PRKN: variants seen among roughly 807,000 people sequenced by gnomAD.
PRKN encodes the protein parkin RBR E3 ubiquitin protein ligase.
Under a neutral mutation model 59.5 loss-of-function variants are expected in PRKN, and 56 were observed. That is an observed-to-expected ratio of 0.94 (90% CI 0.76 to 1.18). PRKN has a LOEUF of 1.18. Ranked by LOEUF, PRKN falls within the 50% of genes most tolerant of loss-of-function variation. PRKN has a pLI of 0.00. For synonymous variants in PRKN, 250 were observed against 222.1 expected, an observed-to-expected ratio of 1.13 and a Z score of -1.12; for missense variants, 657 against 596.4, an observed-to-expected ratio of 1.10 and a Z score of -1.06.
At chr6:161,710,861 C>A (rs1234577493) in intron 7 of PRKN, among the ~76,000 whole-genome samples, 1 of 54,202 alleles carries the variant, frequency 1.8e-5, no homozygotes, top group Non-Finnish European at 4.3e-5. Context: ...CCCTTCCCTT[C>A]CCTTTCCTTC....
intron 4 of PRKN, among the ~76,000 whole-genome samples, chr6:162,116,007 C>T (rs1313542255): frequency 6.6e-6 from 1 of 152,136 alleles, no homozygotes; most frequent in Non-Finnish European, 1.5e-5. Context: ...GGGCCACTGC[C>T]CACTCTTCAT....
In PRKN at chr6:161,973,370, T is replaced by A; in HGVS notation, c.666A>T (p.Thr222=). The change falls in exon 6 of 12, where the codon ACA becomes ACT. Residue 222 remains threonine, a synonymous_variant. Coordinates refer to ENST00000366898, the MANE Select transcript of PRKN (RefSeq NM_004562.3). ...CGAHPTSDKE[T]SVALHLIATN... ...TTGCGATCAGGTGCAAAGCTACTGA[T>A]GTTTCCTTGTCAGAGGTGGGGTGTG... The A allele has an allele frequency of 6.2e-7, 1 of 1,614,064 alleles. No homozygotes were observed.
intron 7 of PRKN, among the ~76,000 whole-genome samples, chr6:161,648,502 G>A (rs1784039485): frequency 6.6e-6 from 1 of 152,176 alleles, no homozygotes; most frequent in Non-Finnish European, 1.5e-5. Flanking sequence ...ACTGTCCATG[G>A]AGCCAGCCCT....
At chr6:162,514,262 T>C (rs1777751795) in intron 1 of PRKN, among the ~76,000 whole-genome samples, 2 of 145,838 alleles carry the variant, frequency 1.4e-5, no homozygotes, top group African/African-American at 4.9e-5. Flanking sequence ...TTCCATCTTG[T>C]TGAAATTGAC....
At chr6:162,655,114 T>C (rs988797640) in intron 1 of PRKN, among the ~76,000 whole-genome samples, 9 of 152,096 alleles carry the variant, frequency 5.9e-5, no homozygotes, top group African/African-American at 2.2e-4. Context: ...CCACAAAAAA[T>C]AAAAATATAC....
intron 2 of PRKN, among the ~76,000 whole-genome samples, chr6:162,281,943 A>T: frequency 6.6e-6 from 1 of 152,116 alleles, no homozygotes; most frequent in East Asian, 1.9e-4. Context: ...CATTAGTTAG[A>T]TTCTCGTAAG....
chr6:162,198,357 A>T (rs1784582383), intron 4 of PRKN, among the ~76,000 whole-genome samples: 1 of 151,942 alleles, frequency 6.6e-6, no homozygotes, highest in South Asian at 2.1e-4. Context: ...CCTGAGATGG[A>T]AATGCTCACA....
intron 2 of PRKN, among the ~76,000 whole-genome samples, chr6:162,401,022 C>A (rs1562735117): frequency 6.6e-6 from 1 of 151,928 alleles, no homozygotes; most frequent in South Asian, 2.1e-4. Context: ...ATAATGGAAA[C>A]GCAACACAAG....
At chr6:161,912,531 G>A (rs550557895) in intron 6 of PRKN, among the ~76,000 whole-genome samples, 1 of 151,974 alleles carries the variant, frequency 6.6e-6, no homozygotes, top group South Asian at 2.1e-4. Context: ...TGCACTCCTG[G>A]ACACCCCTGA....
rs1778601387 is a variant in PRKN at position 161,516,496 on chromosome 6, AG to A, written c.1083+32357del. Among the ~76,000 whole-genome samples the A allele has an allele frequency of 4.7e-3, 426 of 90,192 alleles. 11 individuals are homozygous for A. The highest frequency in any genetic ancestry group is 0.018 in the African/African-American group (282 of 15,934). The allele number at this position is 90,192 out of a possible 152,430, so 59.2% of individuals were successfully genotyped here. A position where few individuals can be genotyped will look rare whatever the true frequency, so the allele number is the denominator to read the frequency against. On this transcript the variant is annotated intron_variant, in intron 9 of 11. Transcript: ENST00000366898. ...AAAAAAAAAAAAAAAAAAAAAAAGA[AG>A]AAGAAGAAAGAAGAAAGAAGAAGAA...
At chr6:162,465,115 C>T (rs1163264488) in intron 1 of PRKN, among the ~76,000 whole-genome samples, 4 of 152,122 alleles carry the variant, frequency 2.6e-5, no homozygotes, top group South Asian at 2.1e-4. Flanking sequence ...CATTTAAGCT[C>T]GTTCCCAATT....
chr6:162,008,961 C>T (rs918072529), intron 5 of PRKN, among the ~76,000 whole-genome samples: 1 of 151,822 alleles, frequency 6.6e-6, no homozygotes, highest in African/African-American at 2.4e-5. Flanking sequence ...GGATCATAAA[C>T]AGGTGAGGTG....
chr6:161,428,440 C>A lies in PRKN; in HGVS notation c.1084-41563G>T, dbSNP rs1788492688. Among the ~76,000 whole-genome samples, 1 of 152,130 alleles carries A rather than the reference C, an allele frequency of 6.6e-6. No homozygotes were observed. The highest frequency in any genetic ancestry group is 1.5e-5 in the Non-Finnish European group (1 of 68,038). Reference sequence around the variant, plus strand: ...CTGTGAGCTTCAGGGTCCACACGAGCCTCATGGAGAGACAGGCGGCTGCTC... The same window carrying A: ...CTGTGAGCTTCAGGGTCCACACGAGACTCATGGAGAGACAGGCGGCTGCTC... On this transcript the variant is annotated intron_variant, in intron 9 of 11. Coordinates refer to ENST00000366898, the MANE Select transcript of PRKN (RefSeq NM_004562.3). This position sits in a 1 kb window ranked among gnomAD's most constrained non-coding sequence, Gnocchi z 4.0.
At chr6:161,932,354 T>C (rs1373163059) in intron 6 of PRKN, among the ~76,000 whole-genome samples, 1 of 152,168 alleles carries the variant, frequency 6.6e-6, no homozygotes, top group South Asian at 2.1e-4. Flanking sequence ...TTTATATTTT[T>C]ATATCAACTA....
intron 6 of PRKN, among the ~76,000 whole-genome samples, chr6:161,844,519 CA>C (rs1462699666): frequency 1.3e-5 from 2 of 152,214 alleles, no homozygotes; most frequent in Non-Finnish European, 2.9e-5. Context: ...CTACTCTGTC[CA>C]TATCCTGGCT....
intron 9 of PRKN, among the ~76,000 whole-genome samples, chr6:161,491,590 A>G (rs1035348317): frequency 1.1e-4 from 16 of 151,714 alleles, no homozygotes; most frequent in African/African-American, 3.9e-4. Flanking sequence ...AATCCCAGCC[A>G]TTTCATTTGC....
intron 2 of PRKN, among the ~76,000 whole-genome samples, chr6:162,409,169 G>T (rs914282213): frequency 2.0e-5 from 3 of 150,242 alleles, no homozygotes; most frequent in African/African-American, 7.5e-5. Context: ...CTTTTCTTTT[G>T]TATTTTTTTT....
intron 6 of PRKN, among the ~76,000 whole-genome samples, chr6:161,794,348 T>C (rs994869459): frequency 6.6e-6 from 1 of 152,030 alleles, no homozygotes; most frequent in Non-Finnish European, 1.5e-5. Flanking sequence ...CCCAGAGCAA[T>C]GGATTAGGTC....
chr6:161,962,623 A>G (rs1467128066), intron 6 of PRKN, among the ~76,000 whole-genome samples: 2 of 144,134 alleles, frequency 1.4e-5, no homozygotes, highest in Admixed American at 1.4e-4. Context: ...TGCAACCTCC[A>G]CCTCCCAGGT....
Sources: allele counts gnomAD v4.1 joint callset (sites outside exome capture counted in the v4.1 genomes callset), GRCh38; gene constraint gnomAD v4.1.1; non-coding constraint Gnocchi (gnomAD v3.1); transcripts MANE v1.5; gene names NCBI Gene and HGNC (gene_info 2026-07-23, HGNC 2026-07-21).